E2F7: variants seen among roughly 807,000 people sequenced by gnomAD.
The protein encoded by E2F7 is E2F transcription factor 7.
A neutral mutation model predicts 81.1 loss-of-function variants in E2F7; 35 were observed. The observed-to-expected ratio is 0.43, with a 90% confidence interval of 0.33 to 0.57. E2F7 has a LOEUF of 0.57. Among genes scored for constraint, E2F7 ranks in the 20% least tolerant of loss-of-function variants. The pLI is 0.04. For synonymous variants in E2F7, 416 were observed against 416.2 expected (o/e 1.00, Z 0.01); for missense variants, 961 against 1,093.7 (o/e 0.88, Z 1.71).
chr12:77,024,120 G>T lies in E2F7; in HGVS notation c.2631C>A (p.Pro877=). Residue 877 remains proline (P), a synonymous_variant, in exon 13 of 13, where the codon CCC becomes CCA. Coordinates refer to ENST00000322886, the MANE Select transcript of E2F7 (RefSeq NM_203394.3). ...TCAGGACAGGGTCTCCAAGGCTGCC[G>T]GGTGTCTTGAAAAACGTCTCACGAT... The part of the protein sequence containing the change: ...RTHRETFFKT[P]GSLGDPVLKR... 6.2e-7 allele frequency: 1 copy of T among 1,613,960 alleles called. No individual in the cohort carries two copies. The highest frequency in any genetic ancestry group is 1.1e-5 in the South Asian group (1 of 91,036).
At chr12:77,037,581 C>T (rs1029843845) in intron 7 of E2F7, among the ~76,000 whole-genome samples, 4 of 152,200 alleles carry the variant, frequency 2.6e-5, no homozygotes, top group African/African-American at 7.2e-5. Context: ...AGTATACTAT[C>T]ACTTGAAAGT....
At chr12:77,058,137 C>T (rs1955049198) in intron 2 of E2F7, among the ~76,000 whole-genome samples, 1 of 152,276 alleles carries the variant, frequency 6.6e-6, no homozygotes, top group African/African-American at 2.4e-5. Context: ...GCCCAGAATG[C>T]TGCATCTACC....
chr12:77,026,047 C>T (rs1380458047), intron 11 of E2F7, 65 bp from the exon 12 acceptor site: 3 of 1,487,290 alleles, frequency 2.0e-6, no homozygotes, highest in East Asian at 2.4e-5. Flanking sequence ...TTCAAGCTCA[C>T]ATTTGTCATG....
In E2F7 at chr12:77,060,358, T is replaced by C. The variant is rs774717372; in HGVS notation, c.93+4185A>G. Reference sequence around the variant, plus strand: ...AAGCACTCTGTCATCTGTGAAGTGCTATACAAATGTTCATTATTATTACTA... The same window carrying C: ...AAGCACTCTGTCATCTGTGAAGTGCCATACAAATGTTCATTATTATTACTA... On this transcript the variant is annotated intron_variant, in intron 2 of 12. Transcript: ENST00000322886. 1.6e-3 allele frequency among the ~76,000 whole-genome samples: 244 copies of C among 152,296 alleles called. 2 individuals carry two copies. Among genetic ancestry groups the C allele is most frequent in the Middle Eastern group, 0.014 (4 of 294 alleles).
intron 7 of E2F7, among the ~76,000 whole-genome samples, chr12:77,035,703 G>T (rs1954843415): frequency 6.6e-6 from 1 of 152,116 alleles, no homozygotes; most frequent in Non-Finnish European, 1.5e-5. Flanking sequence ...GTATACAACT[G>T]AAAATATTAC....
chr12:77,055,899 G>A lies in E2F7; in HGVS notation c.325C>T (p.Arg109Ter). The stretch of plus-strand genomic sequence containing the variant: ...GCATCGTCCTTGTTTTCAATGGGTC[G>A]GAATAGTCCCTTTTTCTTCTCCCGG... Reference protein sequence around the residue: ...RDREKKKGLFRPIENKDDAFT... With the variant: ...RDREKKKGLF The change falls in exon 3 of 13, where the codon CGA (arginine) becomes TGA (stop). Residue 109 changes from arginine to a stop codon, truncating the protein, a stop_gained. Coordinates refer to ENST00000322886, the MANE Select transcript of E2F7 (RefSeq NM_203394.3). LOFTEE classifies it high-confidence loss of function. The A allele has an allele frequency of 1.2e-6, 2 of 1,613,988 alleles. No homozygotes were observed. Among genetic ancestry groups the A allele is most frequent in the Non-Finnish European group, 1.7e-6 (2 of 1,179,962 alleles).
chr12:77,031,155 T>G (rs1190025024), intron 9 of E2F7, among the ~76,000 whole-genome samples: 1 of 152,124 alleles, frequency 6.6e-6, no homozygotes, highest in East Asian at 1.9e-4. Flanking sequence ...CCCAGGAGTT[T>G]GAGGCTGCAG....
At chr12:77,029,810 C>A (rs374901317) in intron 10 of E2F7, 21 bp downstream of exon 10, 3 of 1,612,010 alleles carry the variant, frequency 1.9e-6, no homozygotes, top group Non-Finnish European at 2.5e-6. Flanking sequence ...TCACCAGACA[C>A]ATCCACCTGC....
intron 7 of E2F7, among the ~76,000 whole-genome samples, chr12:77,036,923 G>T (rs1365283354): frequency 2.0e-5 from 3 of 152,024 alleles, no homozygotes; most frequent in Non-Finnish European, 4.4e-5. Context: ...CTAATTTTTT[G>T]TATTTTTAGT....
chr12:77,060,621 GC>G (rs11306897), intron 2 of E2F7, among the ~76,000 whole-genome samples: 36,726 of 151,982 alleles, frequency 0.24, 4,839 homozygotes, highest in East Asian at 0.54. Flanking sequence ...ACTCAAACCT[GC>G]CCTGCACTTT....
At chr12:77,055,196 C>T (rs993790870) in intron 3 of E2F7, among the ~76,000 whole-genome samples, 6 of 152,078 alleles carry the variant, frequency 3.9e-5, no homozygotes, top group South Asian at 4.1e-4. Flanking sequence ...AGTTGTAATT[C>T]GAGACATCTT....
chr12:77,058,342 G>T (rs1055903790), intron 2 of E2F7, among the ~76,000 whole-genome samples: 46 of 152,196 alleles, frequency 3.0e-4, no homozygotes, highest in African/African-American at 1.1e-3. Flanking sequence ...GAGGCACAGA[G>T]AAGTCAAATA....
chr12:77,025,547 T>C lies in E2F7; in HGVS notation c.2565+11A>G. The C allele has an allele frequency of 6.2e-7, 1 of 1,613,096 alleles. No individual in the cohort carries two copies. Among genetic ancestry groups the C allele is most frequent in the Non-Finnish European group, 8.5e-7 (1 of 1,179,252 alleles). On this transcript the variant is annotated intron_variant, in intron 12 of 12. Transcript: ENST00000322886. ...AGAGTGACAGTGTCTTCAGGAAACTTCAGGCCTCACCTGATGTAATTTTAC... is the reference window on the plus strand; with the variant it reads ...AGAGTGACAGTGTCTTCAGGAAACTCCAGGCCTCACCTGATGTAATTTTAC...
chr12:77,051,314 G>A (rs1294276442), intron 3 of E2F7, among the ~76,000 whole-genome samples: 1 of 152,164 alleles, frequency 6.6e-6, no homozygotes, highest in Admixed American at 6.5e-5. Flanking sequence ...ACATTTGAAA[G>A]GGGCTCCATT....
chr12:77,046,257 T>C lies in E2F7; in HGVS notation c.610A>G (p.Lys204Glu), dbSNP rs1482260322. 2.5e-6 allele frequency: 4 copies of C among 1,614,080 alleles called. No homozygotes were observed. Among genetic ancestry groups the C allele is most frequent in the Non-Finnish European group, 3.4e-6 (4 of 1,180,048 alleles). The change falls in exon 5 of 13, where the codon AAG (lysine) becomes GAG (glutamate). Residue 204 changes from lysine (K) to glutamate (E), a missense_variant. This residue lies in a region of E2F7 where 301 missense variants were observed against 405.0 expected (regional missense o/e 0.74). Coordinates refer to ENST00000322886, the MANE Select transcript of E2F7 (RefSeq NM_203394.3). ...ESLHLVSRVA[K>E]NQYGWHGRHS... ...CGTCCATGCCAGCCATACTGATTCT[T>C]AGCCACCCGGCTGACCAGATGCAGC...
intron 3 of E2F7, among the ~76,000 whole-genome samples, chr12:77,055,573 A>C (rs1294819579): frequency 1.3e-5 from 2 of 152,204 alleles, no homozygotes; most frequent in Non-Finnish European, 2.9e-5. Flanking sequence ...GCATTTAAAG[A>C]ATCCAAATTC....
chr12:77,028,754 T>A (rs1171687744), intron 10 of E2F7, among the ~76,000 whole-genome samples: 1 of 152,220 alleles, frequency 6.6e-6, no homozygotes, highest in African/African-American at 2.4e-5. Context: ...ATTACAGGCA[T>A]AAGCCACCGC....
intron 7 of E2F7, among the ~76,000 whole-genome samples, chr12:77,040,241 C>A (rs1411380275): frequency 6.6e-6 from 1 of 152,194 alleles, no homozygotes. Context: ...GTAACTCATG[C>A]CTGATCAACG....
At chr12:77,024,543 AATAAG>A (rs979890209) in intron 12 of E2F7, among the ~76,000 whole-genome samples, 32 of 152,356 alleles carry the variant, frequency 2.1e-4, no homozygotes, top group African/African-American at 7.7e-4. Flanking sequence ...GTAGGAATTA[AATAAG>A]ATAATTGTAA....
Sources: allele counts gnomAD v4.1 joint callset (sites outside exome capture counted in the v4.1 genomes callset), GRCh38; gene constraint gnomAD v4.1.1; regional missense constraint gnomAD v4.1.1; transcripts MANE v1.5; gene names NCBI Gene and HGNC (gene_info 2026-07-23, HGNC 2026-07-21).